HSD17B11: variants seen among roughly 807,000 people sequenced by gnomAD.
HSD17B11 encodes estradiol 17-beta-dehydrogenase 11.
A neutral mutation model predicts 27.8 loss-of-function variants in HSD17B11; 22 were observed. The ratio of observed to expected loss-of-function variants is 0.79; its 90% CI spans 0.56 to 1.13. The LOEUF is 1.13. Ranked by LOEUF, HSD17B11 falls within the 50% of genes most tolerant of loss-of-function variation. The pLI, the probability that HSD17B11 is intolerant of heterozygous loss-of-function variation, is 0.00. For missense variants in HSD17B11, 314 were observed against 351.1 expected (o/e 0.89, Z 0.84); for synonymous variants, 117 against 132.8 (o/e 0.88, Z 0.82).
Position 87,355,994 on chromosome 4 carries a change from TC to T in HSD17B11, c.695+1284del, listed in dbSNP as rs138833251. Among the ~76,000 whole-genome samples, 239 of 152,278 alleles carry T rather than the reference TC, an allele frequency of 1.6e-3. 7 individuals carry two copies. In the East Asian group the frequency reaches 0.04, roughly 26 times the overall value. On this transcript the variant is annotated intron_variant, in intron 5 of 6. Transcript: ENST00000358290. The stretch of plus-strand genomic sequence containing the variant: ...AGCTGATGCCATGAAAATAGGCAAT[TC>T]ATAAAAGGAAGTGCAATGTCCAAAA...
chr4:87,368,956 A>G (rs756376793), intron 4 of HSD17B11, among the ~76,000 whole-genome samples: 2 of 152,204 alleles, frequency 1.3e-5, no homozygotes, highest in Non-Finnish European at 2.9e-5. Flanking sequence ...TGCTCTGTCT[A>G]TGGAGTAGCC....
chr4:87,341,257 C>T (rs1735161205), intron 5 of HSD17B11, among the ~76,000 whole-genome samples: 1 of 152,048 alleles, frequency 6.6e-6, no homozygotes, highest in African/African-American at 2.4e-5. Flanking sequence ...CTGCAACCTC[C>T]ACCTACTGGG....
intron 1 of HSD17B11, among the ~76,000 whole-genome samples, chr4:87,387,514 C>T (rs1720351610): frequency 6.6e-6 from 1 of 152,196 alleles, no homozygotes; most frequent in African/African-American, 2.4e-5. Flanking sequence ...CCAGTTTCTG[C>T]TACCTGGACT....
intron 5 of HSD17B11, among the ~76,000 whole-genome samples, chr4:87,343,388 A>C (rs936229390): frequency 2.0e-5 from 3 of 152,148 alleles, no homozygotes; most frequent in African/African-American, 7.2e-5. Flanking sequence ...GAAACTATCC[A>C]AAAACACTTC....
At chr4:87,338,914 A>G (rs978251053) in intron 6 of HSD17B11, among the ~76,000 whole-genome samples, 1 of 152,230 alleles carries the variant, frequency 6.6e-6, no homozygotes, top group African/African-American at 2.4e-5. Context: ...TGTTACAGAT[A>G]AAGAAACTGA....
chr4:87,361,590 AC>A (rs1426026658), intron 4 of HSD17B11, among the ~76,000 whole-genome samples: 1 of 151,930 alleles, frequency 6.6e-6, no homozygotes, highest in Non-Finnish European at 1.5e-5. Context: ...ACACAGTGAA[AC>A]CCCGTCTCTA....
At chr4:87,380,890 A>AAAAAAAAAAAAAAAAAC (rs1720142300) in intron 2 of HSD17B11, among the ~76,000 whole-genome samples, 1 of 125,908 alleles carries the variant, frequency 7.9e-6, no homozygotes, top group African/African-American at 3.2e-5. Context: ...AAAAAAAAAA[A>AAAAAAAAAAAAAAAAAC]AGAACTCAGG....
chr4:87,377,174 G>A (rs80226422), intron 2 of HSD17B11, among the ~76,000 whole-genome samples: 5,051 of 151,912 alleles, frequency 0.033, 279 homozygotes, highest in African/African-American at 0.12. Context: ...TTTGTAGGCC[G>A]GGCACAGTGG....
At chr4:87,344,959 C>T (rs980240189) in intron 5 of HSD17B11, among the ~76,000 whole-genome samples, 2 of 152,070 alleles carry the variant, frequency 1.3e-5, no homozygotes, top group Admixed American at 6.6e-5. Context: ...AATGAGAACA[C>T]AACATATCAA....
At chr4:87,338,598 T>A (rs1735098574) in intron 6 of HSD17B11, among the ~76,000 whole-genome samples, 3 of 152,196 alleles carry the variant, frequency 2.0e-5, no homozygotes, top group Admixed American at 1.3e-4. Flanking sequence ...TGCAGTGGCA[T>A]GATCATGGCT....
At chr4:87,386,364 G>A (rs572259358) in intron 1 of HSD17B11, among the ~76,000 whole-genome samples, 29 of 152,024 alleles carry the variant, frequency 1.9e-4, no homozygotes, top group South Asian at 6.2e-4. Flanking sequence ...CACCACACCC[G>A]TCTAATTTTT....
intron 2 of HSD17B11, among the ~76,000 whole-genome samples, chr4:87,379,716 A>G (rs1007328505): frequency 2.1e-5 from 3 of 144,498 alleles, no homozygotes; most frequent in Admixed American, 7.1e-5. Flanking sequence ...ATTAGTATAT[A>G]ATAATAGTAT....
intron 5 of HSD17B11, among the ~76,000 whole-genome samples, chr4:87,354,949 C>CAAAAA (rs11305478): frequency 5.4e-5 from 5 of 91,920 alleles, no homozygotes; most frequent in Non-Finnish European, 6.3e-5. Context: ...TCCTGGCTCT[C>CAAAAA]AAAAAAAAAA....
intron 5 of HSD17B11, among the ~76,000 whole-genome samples, chr4:87,355,368 G>C (rs1342047143): frequency 3.3e-5 from 5 of 151,708 alleles, no homozygotes; most frequent in Non-Finnish European, 7.4e-5. Flanking sequence ...ATATATGCTA[G>C]AAAAAATATG....
intron 1 of HSD17B11, among the ~76,000 whole-genome samples, chr4:87,386,617 C>T (rs6839488): frequency 0.34 from 51,388 of 152,004 alleles, 9,571 homozygotes; most frequent in African/African-American, 0.47. Context: ...TGAATTCTTC[C>T]TTTAAAATGT....
intron 4 of HSD17B11, among the ~76,000 whole-genome samples, chr4:87,359,550 A>C (rs1383453407): frequency 6.6e-6 from 1 of 152,124 alleles, no homozygotes; most frequent in Non-Finnish European, 1.5e-5. Context: ...TATTGTAGAG[A>C]TGTGGGTCTC....
rs74963503 is a variant in HSD17B11, at chr4:87,344,913, C to A, written c.696-4307G>T. Among the ~76,000 whole-genome samples, 1,251 of 152,190 alleles carry A rather than the reference C, an allele frequency of 8.2e-3. 12 individuals carry two copies. The highest frequency in any genetic ancestry group is 0.028 in the African/African-American group (1,174 of 41,522). ...AATAAGCAATGAGACAAATGAGAAA[C>A]CACAAGAAATTAGAAAATACTTTGA... is the stretch of plus-strand genomic sequence containing the variant. On this transcript the variant is annotated intron_variant, in intron 5 of 6. Coordinates refer to ENST00000358290, the MANE Select transcript of HSD17B11 (RefSeq NM_016245.5).
chr4:87,338,586 A>T (rs1385241407), intron 6 of HSD17B11, among the ~76,000 whole-genome samples: 1 of 152,112 alleles, frequency 6.6e-6, no homozygotes, highest in Admixed American at 6.6e-5. Context: ...CTCAAGATGG[A>T]GTGCAGTGGC....
chr4:87,384,142 G>A (rs111462922), intron 1 of HSD17B11, among the ~76,000 whole-genome samples: 27 of 152,302 alleles, frequency 1.8e-4, no homozygotes, highest in African/African-American at 5.5e-4. Flanking sequence ...TGGAGGGACC[G>A]GCTGGAGCCG....
Sources: allele counts gnomAD v4.1 joint callset (sites outside exome capture counted in the v4.1 genomes callset), GRCh38; gene constraint gnomAD v4.1.1; transcripts MANE v1.5; gene names NCBI Gene and HGNC (gene_info 2026-07-23, HGNC 2026-07-21).